Variants in CNTLN observed in about 807,000 individuals in gnomAD.
CNTLN encodes centlein, centrosomal protein.
In CNTLN, 212 loss-of-function variants were observed where a neutral mutation model predicts 180.0. The observed-to-expected ratio is 1.18, with a 90% CI of 1.05 to 1.32. The LOEUF (loss-of-function observed/expected upper bound fraction) is 1.32, where lower values mean the gene tolerates loss of function less well. Ranked by LOEUF, CNTLN falls within the 40% of genes most tolerant of loss-of-function variation. CNTLN has a pLI of 0.00. For missense variants in CNTLN, 2,095 were observed against 1,610.9 expected, an observed-to-expected ratio of 1.30 and a Z score of -5.14; for synonymous variants, 722 against 563.1, an observed-to-expected ratio of 1.28 and a Z score of -3.99.
intron 1 of CNTLN, among the ~76,000 whole-genome samples, chr9:17,140,480 A>G (rs111269840): frequency 6.9e-4 from 105 of 152,212 alleles, no homozygotes; most frequent in Admixed American, 1.7e-3. Flanking sequence ...GTCTTGGTCT[A>G]TTGCCCAGGC....
rs184283686 is a variant in CNTLN at position 17,341,795 on chromosome 9, G to A, written c.1767-530G>A. 1.3e-3 allele frequency among the ~76,000 whole-genome samples: 202 copies of A among 152,254 alleles called. 1 individual carries two copies. Among genetic ancestry groups the A allele is most frequent in the Admixed American group, 4.3e-3 (65 of 15,280 alleles). On this transcript the variant is annotated intron_variant, in intron 11 of 25. Transcript: ENST00000380647. ...ATCTAATTTTTTTCTTTGATGAGTG[G>A]AAGTGTTTTGTATCACTTGTCAGTA...
chr9:17,378,712 A>G (rs1361892026), intron 13 of CNTLN, among the ~76,000 whole-genome samples: 2 of 152,264 alleles, frequency 1.3e-5, no homozygotes, highest in African/African-American at 2.4e-5. Context: ...TTAAATGTAC[A>G]CTTTGCTCCA....
At chr9:17,464,467 A>G in intron 20 of CNTLN, 30 bp from the exon 21 acceptor site, 1 of 1,522,908 alleles carries the variant, frequency 6.6e-7, no homozygotes, top group Non-Finnish European at 8.7e-7. Context: ...ATTTTCTGTC[A>G]CTCTTGATGT....
intron 6 of CNTLN, among the ~76,000 whole-genome samples, chr9:17,288,444 G>C (rs1018865664): frequency 3.7e-4 from 53 of 142,422 alleles, no homozygotes; most frequent in Admixed American, 8.4e-4. Flanking sequence ...GGTCAATTTT[G>C]GAATAGGTGT....
At chr9:17,481,728 A>G (rs1267376182) in intron 23 of CNTLN, among the ~76,000 whole-genome samples, 1 of 152,206 alleles carries the variant, frequency 6.6e-6, no homozygotes, top group Non-Finnish European at 1.5e-5. Context: ...GCACATGGCC[A>G]ATGAGCATAG....
At chr9:17,437,196 G>A (rs568491020) in intron 18 of CNTLN, among the ~76,000 whole-genome samples, 1 of 152,306 alleles carries the variant, frequency 6.6e-6, no homozygotes, top group African/African-American at 2.4e-5. Flanking sequence ...TTATTCCTAT[G>A]TCCTGTCTTC....
intron 12 of CNTLN, among the ~76,000 whole-genome samples, chr9:17,347,491 A>G (rs1821994372): frequency 6.6e-6 from 1 of 152,098 alleles, no homozygotes; most frequent in African/African-American, 2.4e-5. Flanking sequence ...CAACATGGTG[A>G]AACCCTGTCT....
intron 2 of CNTLN, among the ~76,000 whole-genome samples, chr9:17,217,516 G>A (rs1211155214): frequency 6.6e-6 from 1 of 152,238 alleles, no homozygotes; most frequent in Non-Finnish European, 1.5e-5. Context: ...AATGCAAGGT[G>A]CAAGTTAGCA....
chr9:17,189,438 T>C (rs988959077), intron 2 of CNTLN, among the ~76,000 whole-genome samples: 1 of 151,464 alleles, frequency 6.6e-6, no homozygotes, highest in African/African-American at 2.4e-5. Context: ...CAGCTTTTTT[T>C]CTAATCTAGG....
the CNTLN span, among the ~76,000 whole-genome samples, chr9:17,520,737 ATCAGCTGATG>A: frequency 2.0e-5 from 3 of 152,242 alleles, no homozygotes; most frequent in Admixed American, 2.0e-4. Context: ...AGAGCAAAAT[ATCAGCTGATG>A]TATTTTTAGT....
chr9:17,457,702 A>T lies in CNTLN; in HGVS notation c.3293A>T (p.Gln1098Leu). 1 of 1,485,060 alleles carries T rather than the reference A, an allele frequency of 6.7e-7. No individual in the cohort carries two copies. The highest frequency in any genetic ancestry group is 9.0e-7 in the Non-Finnish European group (1 of 1,114,432). The allele number at this position is 1,485,060 out of a possible 1,614,324, so 92.0% of individuals were successfully genotyped here. The change falls in exon 19 of 26, where the codon CAG becomes CTG. Residue 1098 changes from glutamine to leucine, a missense_variant. Coordinates refer to ENST00000380647, the MANE Select transcript of CNTLN (RefSeq NM_017738.4). ...ATGGATTTGGAAATGAAGCAATTGCAGTATAAACTAAAGGTGATTATAAAA... is the reference window on the plus strand; with the variant it reads ...ATGGATTTGGAAATGAAGCAATTGCTGTATAAACTAAAGGTGATTATAAAA... ...RSMDLEMKQL[Q>L]YKLKNATNEL...
intron 6 of CNTLN, among the ~76,000 whole-genome samples, chr9:17,280,829 C>T (rs870271): frequency 6.6e-6 from 1 of 151,912 alleles, no homozygotes; most frequent in African/African-American, 2.4e-5. Flanking sequence ...ATGGTAAATG[C>T]AGAAAAAGAC....
At chr9:17,496,361 C>T (rs1210098488) in intron 25 of CNTLN, among the ~76,000 whole-genome samples, 3 of 152,152 alleles carry the variant, frequency 2.0e-5, no homozygotes, top group Non-Finnish European at 2.9e-5. Context: ...CCATAGGAGC[C>T]TTCTTCCTGT....
chr9:17,321,334 G>A (rs765114956), intron 8 of CNTLN, among the ~76,000 whole-genome samples: 5 of 152,054 alleles, frequency 3.3e-5, no homozygotes, highest in African/African-American at 4.8e-5. Flanking sequence ...TTCTGCATTA[G>A]CAGATGTTAA....
rs559362581 is a variant in CNTLN, at chr9:17,501,297, A to G, written c.4120-1254A>G. On this transcript the variant is annotated intron_variant, in intron 25 of 25. Coordinates refer to ENST00000380647, the MANE Select transcript of CNTLN (RefSeq NM_017738.4). ...GGCTACCTTAAGGAGAAGGCAGATT[A>G]CTGTAAACATAAGAAGGGACTTAAA... 2.0e-5 allele frequency among the ~76,000 whole-genome samples: 3 copies of G among 152,342 alleles called. No individual in the cohort carries two copies. In the South Asian group the frequency reaches 6.2e-4, roughly 32 times the overall value.
At chr9:17,387,140 C>G (rs1222087674) in intron 13 of CNTLN, among the ~76,000 whole-genome samples, 1 of 152,144 alleles carries the variant, frequency 6.6e-6, no homozygotes, top group African/African-American at 2.4e-5. Flanking sequence ...TTCACTCTAA[C>G]AAACTTGTTA....
intron 9 of CNTLN, among the ~76,000 whole-genome samples, chr9:17,331,111 TAATC>T (rs1380368526): frequency 1.3e-5 from 2 of 151,960 alleles, no homozygotes; most frequent in African/African-American, 4.8e-5. Flanking sequence ...TCTCATATAT[TAATC>T]TATCTGATTA....
At chr9:17,156,313 A>G (rs368642610) in intron 2 of CNTLN, among the ~76,000 whole-genome samples, 1 of 152,212 alleles carries the variant, frequency 6.6e-6, no homozygotes, top group African/African-American at 2.4e-5. Flanking sequence ...TAACAGAACC[A>G]TCGTATCATC....
chr9:17,334,194 G>A (rs1820834948), intron 10 of CNTLN, among the ~76,000 whole-genome samples: 1 of 152,014 alleles, frequency 6.6e-6, no homozygotes, highest in African/African-American at 2.4e-5. Flanking sequence ...CGAGTAGCTG[G>A]GATTACAGGC....
Sources: gnomAD v4.1 joint callset for allele counts (sites outside exome capture counted in the v4.1 genomes callset) on GRCh38, gnomAD v4.1.1 for gene constraint, MANE v1.5 for transcripts, NCBI Gene and HGNC (gene_info 2026-07-23, HGNC 2026-07-21) for gene names.